The following GLS variants were observed in gnomAD, a reference collection of about 807,000 sequenced individuals.
GLS encodes the protein glutaminase kidney isoform, mitochondrial.
In GLS, 36 loss-of-function variants were observed where a neutral mutation model predicts 86.7. The observed-to-expected ratio is 0.42, with a 90% CI of 0.32 to 0.55. The LOEUF is 0.55. GLS is among the 20% of genes least tolerant of loss of function. GLS has a pLI of 0.17. For synonymous variants in GLS, 317 were observed against 305.9 expected, an observed-to-expected ratio of 1.04 and a Z score of -0.38; for missense variants, 528 against 833.4, an observed-to-expected ratio of 0.63 and a Z score of 4.51.
In GLS at chr2:190,913,269, G is replaced by A. The variant is rs1452740669; in HGVS notation, c.1038+2948G>A. ...AAGGATTAGCAGATTGTGGAAAAAA[G>A]GAGAATTTGGACAGAAGGAGCCTGT... is the stretch of plus-strand genomic sequence containing the variant. On this transcript the variant is annotated intron_variant, in intron 7 of 17. Coordinates refer to ENST00000320717, the MANE Select transcript of GLS (RefSeq NM_014905.5). This position sits in a 1 kb window ranked among gnomAD's most constrained non-coding sequence, Gnocchi z 6.1. The A allele has an allele frequency of 3.1e-6, 4 of 1,300,024 alleles. No individual in the cohort carries two copies. Among genetic ancestry groups the A allele is most frequent in the Non-Finnish European group, 4.1e-6 (4 of 987,450 alleles). 80.5% of individuals were successfully genotyped at this position (1,300,024 alleles called of 1,614,324 possible).
rs1689831631 is a variant in GLS, at chr2:190,924,252, T to C, written c.1197+269T>C. On this transcript the variant is annotated intron_variant, in intron 10 of 17. Transcript: ENST00000320717. The surrounding 1 kb of genome is among the most constrained non-coding windows in gnomAD (Gnocchi z 5.2). ...GGTTTAGTCTATTTTTTCAAAAGCA[T>C]GATGCCTGATTACTGTTAACTACTC... Among the ~76,000 whole-genome samples the C allele has an allele frequency of 6.6e-6, 1 of 152,192 alleles. No homozygotes were observed. Among genetic ancestry groups the C allele is most frequent in the African/African-American group, 2.4e-5 (1 of 41,458 alleles).
intron 12 of GLS, among the ~76,000 whole-genome samples, chr2:190,929,163 T>A (rs11693788): frequency 2.7e-5 from 4 of 147,006 alleles, no homozygotes; most frequent in African/African-American, 7.5e-5. Flanking sequence ...ATGACATTAA[T>A]TTTTTTTTTT....
rs1688163751 is a variant in GLS, at chr2:190,881,355, C to G, written c.271C>G (p.Gln91Glu). 1 of 1,538,338 alleles carries G rather than the reference C, an allele frequency of 6.5e-7. No homozygotes were observed. The highest frequency in any genetic ancestry group is 1.4e-5 in the African/African-American group (1 of 71,544). Residue 91 changes from glutamine (Q) to glutamate (E), a missense_variant, in exon 1 of 18, where the codon CAG becomes GAG. Gln to Glu is a conservative substitution (Grantham distance 29). This residue lies in a region of GLS where 224 missense variants were observed against 187.9 expected (regional missense o/e 1.19). Coordinates refer to ENST00000320717, the MANE Select transcript of GLS (RefSeq NM_014905.5). ...QELGKGSTHP[Q>E]PGVSPPAAPA... ...GCTGGGCAAGGGGAGCACGCATCCG[C>G]AGCCCGGGGTGTCGCCACCCGCTGC...
rs759447794 is a variant in GLS, at chr2:190,895,714, T to C, written c.594T>C (p.Asp198=). The C allele has an allele frequency of 2.5e-6, 4 of 1,575,326 alleles. No homozygotes were observed. Among genetic ancestry groups the C allele is most frequent in the Non-Finnish European group, 3.5e-6 (4 of 1,153,926 alleles). ...CAGATGGTGTCATGCTAGACAAAGA[T>C]CTTTTTAAAAAGTAAAAGTTTCTGC... is the stretch of plus-strand genomic sequence containing the variant. ...TTSDGVMLDK[D]LFKKCVQSNI... Residue 198 remains aspartate, a synonymous_variant, in exon 3 of 18, where the codon GAT becomes GAC. Transcript: ENST00000320717. This position sits in a 1 kb window ranked among gnomAD's most constrained non-coding sequence, Gnocchi z 4.2.
At chr2:190,901,485 C>G (rs550357004) in intron 4 of GLS, among the ~76,000 whole-genome samples, 79 of 152,044 alleles carry the variant, frequency 5.2e-4, no homozygotes, top group Non-Finnish European at 9.0e-4. Flanking sequence ...TATAATTGCA[C>G]TGTTTGAAGT....
intron 6 of GLS, among the ~76,000 whole-genome samples, chr2:190,909,561 T>G (rs1689286236): frequency 6.6e-6 from 1 of 152,190 alleles, no homozygotes; most frequent in African/African-American, 2.4e-5. Flanking sequence ...TCCCCAAGAT[T>G]TTATTTTTGG....
In GLS at chr2:190,962,113, T is replaced by C. The variant is rs1311623787; in HGVS notation, c.1854-717T>C. ...AAGACTTACCACTTCTGGCAAGTGATTAACCACTTCTGGCAACTCTTCATT... is the reference window on the plus strand; with the variant it reads ...AAGACTTACCACTTCTGGCAAGTGACTAACCACTTCTGGCAACTCTTCATT... On this transcript the variant is annotated intron_variant, in intron 17 of 17. Transcript: ENST00000320717. This position sits in a 1 kb window ranked among gnomAD's most constrained non-coding sequence, Gnocchi z 4.2. 6.6e-6 allele frequency among the ~76,000 whole-genome samples: 1 copy of C among 152,234 alleles called. No homozygotes were observed. The highest frequency in any genetic ancestry group is 1.5e-5 in the Non-Finnish European group (1 of 68,042).
Position 190,901,944 on chromosome 2 carries a change from T to A in GLS, c.736-3T>A, listed in dbSNP as rs199780946. ...ATTCATTTCTTTCCAATCTTTTGGA[T>A]AGGTTGCAGATTATATTCCTCAACT... On this transcript the variant is annotated splice_polypyrimidine_tract_variant and splice_region_variant and intron_variant, in intron 4 of 17. Coordinates refer to ENST00000320717, the MANE Select transcript of GLS (RefSeq NM_014905.5). 3.0e-4 allele frequency: 473 copies of A among 1,574,840 alleles called. No homozygotes were observed. Among genetic ancestry groups the A allele is most frequent in the Non-Finnish European group, 3.6e-4 (415 of 1,144,630 alleles).
Position 190,913,292 on chromosome 2 carries a change from T to G in GLS, c.1038+2971T>G. The G allele has an allele frequency of 3.1e-6, 4 of 1,282,698 alleles. No homozygotes were observed. The highest frequency in any genetic ancestry group is 4.1e-6 in the Non-Finnish European group (4 of 981,818). The allele number at this position is 1,282,698 out of a possible 1,614,324, so 79.5% of individuals were successfully genotyped here. ...AAGGAGAATTTGGACAGAAGGAGCCTGTTGCATAAATTCTTAACTACTAAG... is the reference window on the plus strand; with the variant it reads ...AAGGAGAATTTGGACAGAAGGAGCCGGTTGCATAAATTCTTAACTACTAAG... On this transcript the variant is annotated intron_variant, in intron 7 of 17. Coordinates refer to ENST00000320717, the MANE Select transcript of GLS (RefSeq NM_014905.5). This position sits in a 1 kb window ranked among gnomAD's most constrained non-coding sequence, Gnocchi z 6.1.
Position 190,930,509 on chromosome 2 carries a change from T to C in GLS, c.1498T>C (p.Cys500Arg). 1 of 1,612,562 alleles carries C rather than the reference T, an allele frequency of 6.2e-7. No individual in the cohort carries two copies. The highest frequency in any genetic ancestry group is 8.5e-7 in the Non-Finnish European group (1 of 1,178,624). The change falls in exon 13 of 18, where the codon TGC (cysteine) becomes CGC (arginine). Residue 500 changes from cysteine (C) to arginine (R), a missense_variant. Physicochemically the swap from Cys to Arg is radical, Grantham distance 180. This residue lies in a region of GLS where 163 missense variants were observed against 429.2 expected (regional missense o/e 0.38). Coordinates refer to ENST00000320717, the MANE Select transcript of GLS (RefSeq NM_014905.5). This position sits in a 1 kb window ranked among gnomAD's most constrained non-coding sequence, Gnocchi z 5.0. ...LVVPNVMGMMCWSPPLDKMGN... is the reference protein window; with the variant it reads ...LVVPNVMGMMRWSPPLDKMGN... ...TGTCCCCAATGTTATGGGTATGATG[T>C]GCTGGTCTCCTCCTCTGGATAAGAT...
In GLS at chr2:190,943,528, A is replaced by G. The variant is rs1401690994; in HGVS notation, c.1651-10037A>G. Among the ~76,000 whole-genome samples, 1 of 152,208 alleles carries G rather than the reference A, an allele frequency of 6.6e-6. No homozygotes were observed. The highest frequency in any genetic ancestry group is 2.4e-5 in the African/African-American group (1 of 41,456). ...AAGAGTATTTTAAGGAGTTTGGAGC[A>G]TTGAACTGTATGAAAGCATAGATAA... is the stretch of plus-strand genomic sequence containing the variant. On this transcript the variant is annotated intron_variant, in intron 14 of 17. Coordinates refer to ENST00000320717, the MANE Select transcript of GLS (RefSeq NM_014905.5). This position sits in a 1 kb window ranked among gnomAD's most constrained non-coding sequence, Gnocchi z 4.5.
chr2:190,952,699 T>C (rs1690747119), intron 14 of GLS, among the ~76,000 whole-genome samples: 1 of 152,204 alleles, frequency 6.6e-6, no homozygotes, highest in South Asian at 2.1e-4. Context: ...CAGTATCAGT[T>C]GAGTCATCAA....
In GLS at chr2:190,955,370, CA is replaced by C. The variant is rs768984822; in HGVS notation, c.1853+553del. Among the ~76,000 whole-genome samples the C allele has an allele frequency of 3.0e-4, 45 of 152,172 alleles. No homozygotes were observed. Among genetic ancestry groups the C allele is most frequent in the Non-Finnish European group, 5.7e-4 (39 of 68,040 alleles). ...TTCCACTCCCACTTACGAGGGAGAA[CA>C]TGAAGTGTTTGGTTTTCTGTTCTTG... On this transcript the variant is annotated intron_variant, in intron 17 of 17. Transcript: ENST00000320717. The surrounding 1 kb of genome is among the most constrained non-coding windows in gnomAD (Gnocchi z 5.6).
Position 190,929,595 on chromosome 2 carries a change from G to A in GLS, c.1426-842G>A, listed in dbSNP as rs1249506141. On this transcript the variant is annotated intron_variant, in intron 12 of 17. Transcript: ENST00000320717. ...AGCGATTCTCCTGCCGCAGCCTCCCGAGTAGCTGGGATTACAGGTGCCTGC... is the reference window on the plus strand; with the variant it reads ...AGCGATTCTCCTGCCGCAGCCTCCCAAGTAGCTGGGATTACAGGTGCCTGC... 3.3e-5 allele frequency among the ~76,000 whole-genome samples: 5 copies of A among 151,362 alleles called. No individual in the cohort carries two copies. The South Asian group carries it at 8.3e-4, about 25-fold the overall frequency.
chr2:190,923,736 C>A (rs533196497), intron 9 of GLS, among the ~76,000 whole-genome samples, 181 bp from the exon 10 acceptor site: 1 of 152,154 alleles, frequency 6.6e-6, no homozygotes, highest in African/African-American at 2.4e-5. Context: ...GAAAGAATTA[C>A]CACTTAAATG....
rs1689448718 is a variant in GLS at position 190,914,193 on chromosome 2, T to C, written c.1038+3872T>C. Among the ~76,000 whole-genome samples the C allele has an allele frequency of 1.3e-5, 2 of 152,316 alleles. No individual in the cohort carries two copies. The highest frequency in any genetic ancestry group is 2.1e-4 in the South Asian group (1 of 4,830). ...GAATTTTAAAAATTAGGGTTTTTTTTCTTTCTCTTTAAACAATTTGTAATC... is the reference window on the plus strand; with the variant it reads ...GAATTTTAAAAATTAGGGTTTTTTTCCTTTCTCTTTAAACAATTTGTAATC... On this transcript the variant is annotated intron_variant, in intron 7 of 17. Transcript: ENST00000320717. This position sits in a 1 kb window ranked among gnomAD's most constrained non-coding sequence, Gnocchi z 4.4.
intron 1 of GLS, among the ~76,000 whole-genome samples, chr2:190,889,362 T>C (rs1392682189): frequency 6.6e-6 from 1 of 152,166 alleles, no homozygotes; most frequent in Non-Finnish European, 1.5e-5. Context: ...CCCTATAGGT[T>C]GTTGTTATTC....
intron 1 of GLS, among the ~76,000 whole-genome samples, chr2:190,890,865 T>C (rs1688537280): frequency 1.3e-5 from 2 of 152,078 alleles, no homozygotes; most frequent in South Asian, 2.1e-4. Flanking sequence ...TACTATACTA[T>C]GTGTTTTAAG....
At position 190,924,049 on chromosome 2, in the gene GLS, C is replaced by T; in HGVS notation, c.1197+66C>T. On this transcript the variant is annotated intron_variant, in intron 10 of 17. Transcript: ENST00000320717. This position sits in a 1 kb window ranked among gnomAD's most constrained non-coding sequence, Gnocchi z 5.2. Reference sequence around the variant, plus strand: ...TTAATAAAATACATGAAGATGTATGCTAAGAATTCAACAATAGCCTTTAAG... The same window carrying T: ...TTAATAAAATACATGAAGATGTATGTTAAGAATTCAACAATAGCCTTTAAG... 6 of 852,498 alleles carry T rather than the reference C, an allele frequency of 7.0e-6. No homozygotes were observed. The highest frequency in any genetic ancestry group is 1.2e-5 in the Non-Finnish European group (6 of 519,180). 52.8% of individuals were successfully genotyped at this position (852,498 alleles called of 1,614,324 possible). A position where few individuals can be genotyped will look rare whatever the true frequency, so the allele number is the denominator to read the frequency against.
Sources: gnomAD v4.1 joint callset for allele counts (sites outside exome capture counted in the v4.1 genomes callset) on GRCh38, gnomAD v4.1.1 for gene constraint, gnomAD v4.1.1 regional missense constraint, Gnocchi (gnomAD v3.1) non-coding constraint, MANE v1.5 for transcripts, NCBI Gene and HGNC (gene_info 2026-07-23, HGNC 2026-07-21) for gene names.